HDDC2: variants seen among roughly 807,000 people sequenced by gnomAD.
HDDC2 encodes HD domain containing 2, also known as 5'-deoxynucleotidase HDDC2.
In HDDC2, 25 loss-of-function variants were observed where a neutral mutation model predicts 25.5. The ratio of observed to expected loss-of-function variants is 0.98; its 90% CI spans 0.72 to 1.37. The LOEUF (loss-of-function observed/expected upper bound fraction) is 1.37. Ranked by LOEUF, HDDC2 falls within the 40% of genes most tolerant of loss-of-function variation. HDDC2 has a pLI of 0.00. For missense variants in HDDC2, 264 were observed against 253.1 expected (o/e 1.04, Z -0.29); for synonymous variants, 106 against 89.7 (o/e 1.18, Z -1.03).
rs890188246 is a variant in HDDC2, at chr6:125,282,197, T to C, written c.379-4957A>G. Among the ~76,000 whole-genome samples the C allele has an allele frequency of 2.6e-5, 4 of 151,824 alleles. No homozygotes were observed. In the East Asian group the frequency reaches 7.7e-4, roughly 29 times the overall value. On this transcript the variant is annotated intron_variant, in intron 4 of 5. Coordinates refer to ENST00000398153, the MANE Select transcript of HDDC2 (RefSeq NM_016063.3). ...CCTGTCTCTACTAAAAATACAAAAA[T>C]TAGGCAGGCATGGTGGCGGGCGCCT...
At chr6:125,287,238 C>T (rs1349431362) in intron 4 of HDDC2, among the ~76,000 whole-genome samples, 1 of 152,108 alleles carries the variant, frequency 6.6e-6, no homozygotes, top group African/African-American at 2.4e-5. Context: ...CATGATTAAA[C>T]TAAAATATCT....
intron 4 of HDDC2, among the ~76,000 whole-genome samples, chr6:125,287,684 G>A (rs2115108218): frequency 6.6e-6 from 1 of 152,302 alleles, no homozygotes; most frequent in Admixed American, 6.5e-5. Flanking sequence ...CACAGGAGGG[G>A]TGTGGAGAGA....
intron 5 of HDDC2, 25 bp downstream of exon 5, chr6:125,277,077 T>A: frequency 1.2e-6 from 2 of 1,613,134 alleles, no homozygotes; most frequent in African/African-American, 1.3e-5. Flanking sequence ...TAAAATGGAC[T>A]CTTGTTGAAA....
chr6:125,279,834 T>C (rs1329865544), intron 4 of HDDC2, among the ~76,000 whole-genome samples: 1 of 152,134 alleles, frequency 6.6e-6, no homozygotes, highest in Non-Finnish European at 1.5e-5. Flanking sequence ...ACAGGCAATT[T>C]GTGTCAAAAA....
chr6:125,288,792 C>T (rs1798584061), intron 4 of HDDC2, among the ~76,000 whole-genome samples: 1 of 134,778 alleles, frequency 7.4e-6, no homozygotes, highest in African/African-American at 3.3e-5. Flanking sequence ...TATCATCTCA[C>T]ACCAGTTAGA....
rs774958229 is a variant in HDDC2 at position 125,300,636 on chromosome 6, T to C, written c.108A>G (p.Val36=). ...TCTCCGGCCTCTGGACATTTCTGTA[T>C]ACCCAGCCAGTTCGTGGGACTCTCT... ...QLKRVPRTGW[V]YRNVQRPESV... is the part of the protein sequence containing the mutation. Residue 36 remains valine (V), a synonymous_variant, in exon 2 of 6, where the codon GTA becomes GTG. Coordinates refer to ENST00000398153, the MANE Select transcript of HDDC2 (RefSeq NM_016063.3). 2 of 1,613,216 alleles carry C rather than the reference T, an allele frequency of 1.2e-6. No homozygotes were observed. The highest frequency in any genetic ancestry group is 1.7e-5 in the Admixed American group (1 of 59,734).
chr6:125,295,540 T>C (rs1562448034), intron 3 of HDDC2, among the ~76,000 whole-genome samples: 1 of 152,190 alleles, frequency 6.6e-6, no homozygotes, highest in Non-Finnish European at 1.5e-5. Context: ...CCTAAAGGGA[T>C]CATAGGGATT....
intron 3 of HDDC2, among the ~76,000 whole-genome samples, chr6:125,294,711 T>G (rs1032230358): frequency 1.3e-5 from 2 of 152,202 alleles, no homozygotes; most frequent in Non-Finnish European, 2.9e-5. Flanking sequence ...CTCTTTAAAA[T>G]GACACACCTA....
chr6:125,289,636 C>G (rs187357514), intron 4 of HDDC2, among the ~76,000 whole-genome samples: 3 of 152,286 alleles, frequency 2.0e-5, no homozygotes, highest in East Asian at 3.9e-4. Context: ...TAGTGACTCT[C>G]CCTCCAGGGT....
At chr6:125,295,196 T>G (rs1157331084) in intron 3 of HDDC2, among the ~76,000 whole-genome samples, 1 of 152,212 alleles carries the variant, frequency 6.6e-6, no homozygotes, top group Non-Finnish European at 1.5e-5. Flanking sequence ...GAGTTTCACC[T>G]TGTTGTTCAG....
Position 125,298,527 on chromosome 6 carries a change from C to G in HDDC2, c.309+187G>C, listed in dbSNP as rs1046162661. ...TAGTTGCCTAACTTGTCAGATCCAT[C>G]TTAATATTCTCCAGCCCAGGCCCTG... On this transcript the variant is annotated intron_variant, in intron 3 of 5. Coordinates refer to ENST00000398153, the MANE Select transcript of HDDC2 (RefSeq NM_016063.3). The G allele has an allele frequency of 1.0e-5, 6 of 602,564 alleles. No homozygotes were observed. In the South Asian group the frequency reaches 1.3e-4, roughly 13 times the overall value. The allele number at this position is 602,564 out of a possible 1,614,324, so 37.3% of individuals were successfully genotyped here.
intron 4 of HDDC2, 32 bp downstream of exon 4, chr6:125,292,809 A>T (rs1583054053): frequency 6.5e-7 from 1 of 1,538,394 alleles, no homozygotes; most frequent in African/African-American, 1.4e-5. Flanking sequence ...TCAGATACAA[A>T]TTAAAAACAG....
chr6:125,276,281 A>G, intron 5 of HDDC2, 38 bp from the exon 6 acceptor site: 1 of 1,449,024 alleles, frequency 6.9e-7, no homozygotes, highest in South Asian at 1.1e-5. Flanking sequence ...ACATTCCCAT[A>G]TTGACAAGAG....
rs1250877876 is a variant in HDDC2 at position 125,300,343 on chromosome 6, C to T, written c.206+195G>A. The stretch of plus-strand genomic sequence containing the variant: ...CTAGGCAGGCTCTATCACTTGCCAA[C>T]AGAAACCCCAGATTGCAGTTTACAA... On this transcript the variant is annotated intron_variant, in intron 2 of 5. Coordinates refer to ENST00000398153, the MANE Select transcript of HDDC2 (RefSeq NM_016063.3). The T allele has an allele frequency of 6.6e-6, 4 of 610,266 alleles. No individual in the cohort carries two copies. The East Asian group carries it at 1.2e-4, about 18-fold the overall frequency. The allele number at this position is 610,266 out of a possible 1,614,324, so 37.8% of individuals were successfully genotyped here. A position where few individuals can be genotyped will look rare whatever the true frequency, so the allele number is the denominator to read the frequency against.
chr6:125,292,644 T>C (rs774928331), intron 4 of HDDC2, among the ~76,000 whole-genome samples, 197 bp downstream of exon 4: 1 of 151,706 alleles, frequency 6.6e-6, no homozygotes, highest in African/African-American at 2.4e-5. Flanking sequence ...GCGAGGGAAA[T>C]GGGGAACTTG....
chr6:125,288,220 G>C (rs1451004046), intron 4 of HDDC2, among the ~76,000 whole-genome samples: 1 of 152,182 alleles, frequency 6.6e-6, no homozygotes, highest in Non-Finnish European at 1.5e-5. Flanking sequence ...GGGGAGAAGT[G>C]ACAAGATAGA....
intron 4 of HDDC2, among the ~76,000 whole-genome samples, chr6:125,281,702 T>A (rs1173087793): frequency 6.6e-6 from 1 of 152,090 alleles, no homozygotes; most frequent in South Asian, 2.1e-4. Context: ...TATGGGACTA[T>A]GTGAAAAGAC....
Position 125,301,901 on chromosome 6 carries a change from C to T in HDDC2, c.32G>A (p.Gly11Asp). The T allele has an allele frequency of 6.4e-7, 1 of 1,552,146 alleles. No homozygotes were observed. Among genetic ancestry groups the T allele is most frequent in the Admixed American group, 1.9e-5 (1 of 51,492 alleles). Residue 11 changes from glycine (G) to aspartate (D), a missense_variant, in exon 1 of 6, where the codon GGC (glycine) becomes GAC (aspartate). Transcript: ENST00000398153. ...CTGCAGTAGGGACCGAGCCCCGTGG[C>T]CCGAGAAGGTCGCAGAGGAGACCGA... is the stretch of plus-strand genomic sequence containing the variant. MASVSSATFS[G>D]HGARSLLQFL...
In HDDC2 at chr6:125,277,260, A is replaced by G. The variant is rs375928144; in HGVS notation, c.379-20T>C. 18 of 1,613,418 alleles carry G rather than the reference A, an allele frequency of 1.1e-5. No homozygotes were observed. The African/African-American group carries it at 1.6e-4, about 14-fold the overall frequency. Reference sequence around the variant, plus strand: ...GTACTCCTAAGTAAAGGGACAATTAAAGCAGCATGATTAGCGCTGCATAAT... The same window carrying G: ...GTACTCCTAAGTAAAGGGACAATTAGAGCAGCATGATTAGCGCTGCATAAT... On this transcript the variant is annotated intron_variant, in intron 4 of 5. Coordinates refer to ENST00000398153, the MANE Select transcript of HDDC2 (RefSeq NM_016063.3).
Sources: gnomAD v4.1 joint callset for allele counts (sites outside exome capture counted in the v4.1 genomes callset) on GRCh38, gnomAD v4.1.1 for gene constraint, MANE v1.5 for transcripts, NCBI Gene and HGNC (gene_info 2026-07-23, HGNC 2026-07-21) for gene names.